Variants in CDH13 observed in about 807,000 individuals in gnomAD.
CDH13 encodes cadherin 13.
CDH13 carries 24 observed loss-of-function variants against 63.8 expected under a neutral mutation model. The observed-to-expected ratio is 0.38, with a 90% CI of 0.27 to 0.53. The LOEUF is 0.53. CDH13 is among the 20% of genes least tolerant of loss of function. CDH13 has a pLI of 0.85. For synonymous variants in CDH13, 503 were observed against 355.3 expected, an observed-to-expected ratio of 1.42 and a Z score of -4.67; for missense variants, 1,049 against 903.1, an observed-to-expected ratio of 1.16 and a Z score of -2.07.
chr16:83,008,313 G>T (rs774851148), intron 2 of CDH13, among the ~76,000 whole-genome samples: 1 of 152,196 alleles, frequency 6.6e-6, no homozygotes, highest in African/African-American at 2.4e-5. Context: ...TAACAAAGGT[G>T]ACCTTTGAGT....
At chr16:83,020,503 GC>G (rs1160246294) in intron 2 of CDH13, among the ~76,000 whole-genome samples, 1 of 152,166 alleles carries the variant, frequency 6.6e-6, no homozygotes, top group Non-Finnish European at 1.5e-5. Context: ...ACAAAGCCAA[GC>G]TGTACTCCAC....
chr16:82,644,747 C>T lies in CDH13; in HGVS notation c.45+17610C>T, dbSNP rs1453800408. ...GTGACAGGAGTCCGCTGGGCTCCCT[C>T]TGATTCTTAAAGCCTTTCCAGGTAG... On this transcript the variant is annotated intron_variant, in intron 1 of 13. Coordinates refer to ENST00000567109, the MANE Select transcript of CDH13 (RefSeq NM_001257.5). The surrounding 1 kb of genome is among the most constrained non-coding windows in gnomAD (Gnocchi z 5.7). 1.3e-5 allele frequency among the ~76,000 whole-genome samples: 2 copies of T among 152,112 alleles called. No homozygotes were observed. Among genetic ancestry groups the T allele is most frequent in the South Asian group, 2.1e-4 (1 of 4,816 alleles).
At chr16:82,694,254 A>G (rs969850385) in intron 1 of CDH13, among the ~76,000 whole-genome samples, 5 of 152,230 alleles carry the variant, frequency 3.3e-5, no homozygotes, top group African/African-American at 1.2e-4. Context: ...CCTGCAATAA[A>G]AAGTAATGTT....
At chr16:83,205,674 G>T (rs970413052) in intron 4 of CDH13, among the ~76,000 whole-genome samples, 5 of 147,288 alleles carry the variant, frequency 3.4e-5, no homozygotes, top group African/African-American at 1.3e-4. Context: ...ACGTGATCTT[G>T]GCTCACTGCA....
intron 1 of CDH13, among the ~76,000 whole-genome samples, chr16:82,742,103 T>G (rs961972891): frequency 6.6e-6 from 1 of 152,184 alleles, no homozygotes; most frequent in African/African-American, 2.4e-5. Context: ...CTGCCATTAT[T>G]AGAGGCACAG....
intron 1 of CDH13, among the ~76,000 whole-genome samples, chr16:82,655,518 G>T (rs1208457650): frequency 1.3e-5 from 2 of 152,162 alleles, no homozygotes. Flanking sequence ...AGTAGGAGAT[G>T]AGATCAGGGA....
At chr16:83,058,450 T>G (rs1180331336) in intron 3 of CDH13, among the ~76,000 whole-genome samples, 1 of 152,180 alleles carries the variant, frequency 6.6e-6, no homozygotes, top group African/African-American at 2.4e-5. Context: ...TCATTTCCCC[T>G]TTTCCCAACA....
chr16:83,698,714 T>G (rs1242134155), intron 10 of CDH13, among the ~76,000 whole-genome samples: 1 of 152,232 alleles, frequency 6.6e-6, no homozygotes, highest in East Asian at 1.9e-4. Context: ...CCAACCTTCT[T>G]ACTTCAGTCC....
chr16:83,043,190 A>G lies in CDH13; in HGVS notation c.366+10972A>G, dbSNP rs111349917. ...TATATAGATAAAAAGACATCCTTCAATTCATTAATTTAAATAGATAACAGA... is the reference window on the plus strand; with the variant it reads ...TATATAGATAAAAAGACATCCTTCAGTTCATTAATTTAAATAGATAACAGA... On this transcript the variant is annotated intron_variant, in intron 3 of 13. Transcript: ENST00000567109. Among the ~76,000 whole-genome samples the G allele has an allele frequency of 7.0e-4, 106 of 152,342 alleles. 1 individual carries two copies. Among genetic ancestry groups the G allele is most frequent in the Middle Eastern group, 3.4e-3 (1 of 294 alleles).
intron 4 of CDH13, among the ~76,000 whole-genome samples, chr16:83,170,966 C>A (rs1458165756): frequency 6.6e-6 from 1 of 152,074 alleles, no homozygotes; most frequent in Non-Finnish European, 1.5e-5. Context: ...TCTACTCAAC[C>A]TCCCCATCAG....
chr16:83,565,762 G>A (rs562568932), intron 7 of CDH13, among the ~76,000 whole-genome samples: 2 of 150,732 alleles, frequency 1.3e-5, no homozygotes, highest in Non-Finnish European at 3.0e-5. Context: ...TTTCTGATAA[G>A]TTATTCTTTT....
intron 1 of CDH13, among the ~76,000 whole-genome samples, chr16:82,635,239 G>T (rs565834403): frequency 5.8e-4 from 89 of 152,218 alleles, no homozygotes; most frequent in Non-Finnish European, 1.0e-3. Context: ...ACAAATGAAT[G>T]AATGAATATA....
In CDH13 at chr16:83,084,956, A is replaced by T. The variant is rs574603848; in HGVS notation, c.367-40429A>T. On this transcript the variant is annotated intron_variant, in intron 3 of 13. Coordinates refer to ENST00000567109, the MANE Select transcript of CDH13 (RefSeq NM_001257.5). ...CTAACGAGAAGTCTCAGTGTAGGTG[A>T]TGCTGGGTTTGGTTCAACTATTCAA... Among the ~76,000 whole-genome samples, 9 of 152,280 alleles carry T rather than the reference A, an allele frequency of 5.9e-5. No homozygotes were observed. The East Asian group carries it at 1.5e-3, about 26-fold the overall frequency.
rs555826770 is a variant in CDH13, at chr16:83,519,279, G to T, written c.960+32624G>T. Among the ~76,000 whole-genome samples the T allele has an allele frequency of 8.5e-5, 13 of 152,184 alleles. 1 individual carries two copies. Among genetic ancestry groups the T allele is most frequent in the African/African-American group, 2.9e-4 (12 of 41,442 alleles). On this transcript the variant is annotated intron_variant, in intron 7 of 13. Coordinates refer to ENST00000567109, the MANE Select transcript of CDH13 (RefSeq NM_001257.5). ...TATGATCAGGCCTGTTTCCGCCCTA[G>T]CATTGGAGTCCAGTGATATCCAAGG...
rs532104336 is a variant in CDH13 at position 82,789,441 on chromosome 16, G to A, written c.46-68921G>A. On this transcript the variant is annotated intron_variant, in intron 1 of 13. Transcript: ENST00000567109. ...GATGGTCACTCTGAATCACATCAAG[G>A]CGATGACAAGAACAACTGTCTAGAC... is the stretch of plus-strand genomic sequence containing the variant. Among the ~76,000 whole-genome samples the A allele has an allele frequency of 3.9e-5, 6 of 152,274 alleles. No individual in the cohort carries two copies. The South Asian group carries it at 1.2e-3, about 32-fold the overall frequency.
chr16:83,350,258 G>A (rs1222075379), intron 6 of CDH13, among the ~76,000 whole-genome samples: 1 of 152,248 alleles, frequency 6.6e-6, no homozygotes, highest in African/African-American at 2.4e-5. Flanking sequence ...AGCCAGGGCA[G>A]CTGGGAGAAT....
At chr16:83,204,437 C>T (rs1320367953) in intron 4 of CDH13, among the ~76,000 whole-genome samples, 1 of 152,192 alleles carries the variant, frequency 6.6e-6, no homozygotes, top group African/African-American at 2.4e-5. Context: ...CTGTCATTGT[C>T]ATCATCACCA....
At chr16:83,665,548 C>G (rs1913869243) in intron 8 of CDH13, among the ~76,000 whole-genome samples, 1 of 152,192 alleles carries the variant, frequency 6.6e-6, no homozygotes, top group African/African-American at 2.4e-5. Flanking sequence ...ACCCTTTTAT[C>G]ATCACAAATA....
At chr16:83,701,576 C>T (rs1906236775) in intron 10 of CDH13, among the ~76,000 whole-genome samples, 1 of 152,176 alleles carries the variant, frequency 6.6e-6, no homozygotes, top group South Asian at 2.1e-4. Flanking sequence ...CTCTGCATGC[C>T]TTTGCCAACA....
Sources: allele counts gnomAD v4.1 joint callset (sites outside exome capture counted in the v4.1 genomes callset), GRCh38; gene constraint gnomAD v4.1.1; non-coding constraint Gnocchi (gnomAD v3.1); transcripts MANE v1.5; gene names NCBI Gene and HGNC (gene_info 2026-07-23, HGNC 2026-07-21).